The following SCHIP1 variants were observed in gnomAD, a reference collection of about 807,000 sequenced individuals.
SCHIP1 encodes schwannomin interacting protein 1.
A neutral mutation model predicts 29.7 loss-of-function variants in SCHIP1; 8 were observed. That is an observed-to-expected ratio of 0.27 (90% CI 0.16 to 0.49). The LOEUF (loss-of-function observed/expected upper bound fraction) is 0.49, where lower values mean the gene tolerates loss of function less well. SCHIP1 is among the 20% of genes least tolerant of loss of function. SCHIP1 has a pLI of 0.99. For missense variants in SCHIP1, 193 were observed against 294.6 expected (o/e 0.66, Z 2.52); for synonymous variants, 76 against 94.9 (o/e 0.80, Z 1.16).
chr3:159,589,446 C>G, the SCHIP1 span, among the ~76,000 whole-genome samples: 1 of 152,042 alleles, frequency 6.6e-6, no homozygotes, highest in South Asian at 2.1e-4. Context: ...AACTGAATAC[C>G]CTTTATTTCT....
chr3:159,797,024 T>C, the SCHIP1 span, among the ~76,000 whole-genome samples: 1 of 152,234 alleles, frequency 6.6e-6, no homozygotes, highest in East Asian at 1.9e-4. Flanking sequence ...GATCCACATC[T>C]ACATGTTCAA....
the SCHIP1 span, among the ~76,000 whole-genome samples, chr3:159,626,994 C>T: frequency 2.7e-4 from 41 of 152,280 alleles, no homozygotes; most frequent in East Asian, 7.7e-4. Flanking sequence ...TTAAACCCCA[C>T]GTGCATTAGG....
At chr3:159,398,352 C>G in the SCHIP1 span, among the ~76,000 whole-genome samples, 1 of 152,144 alleles carries the variant, frequency 6.6e-6, no homozygotes, top group Non-Finnish European at 1.5e-5. Flanking sequence ...GCTCCTCCCC[C>G]TCGCCAGCAC....
At chr3:159,626,179 TCTAGATAGATAGATAGATAG>T in the SCHIP1 span, among the ~76,000 whole-genome samples, 1 of 106,960 alleles carries the variant, frequency 9.3e-6, no homozygotes, top group African/African-American at 5.1e-5. Flanking sequence ...TATCTATCTA[TCTAGATAGATAGATAGATAG>T]ATAGATAGAT....
intron 2 of SCHIP1, among the ~76,000 whole-genome samples, chr3:159,881,651 G>C (rs1716446295): frequency 6.6e-6 from 1 of 152,178 alleles, no homozygotes. Context: ...TAAGGGAAAG[G>C]CCACTGGATT....
chr3:159,425,061 C>A, the SCHIP1 span, among the ~76,000 whole-genome samples: 2 of 151,714 alleles, frequency 1.3e-5, no homozygotes, highest in African/African-American at 4.8e-5. Context: ...TGGAAAGGAA[C>A]AACCGGTACC....
the SCHIP1 span, among the ~76,000 whole-genome samples, chr3:159,395,324 T>C: frequency 6.6e-6 from 1 of 152,166 alleles, no homozygotes; most frequent in Non-Finnish European, 1.5e-5. Flanking sequence ...TTTCCTTCAG[T>C]TCTGCTCTGA....
the SCHIP1 span, among the ~76,000 whole-genome samples, chr3:159,352,437 C>T: frequency 2.6e-5 from 4 of 152,262 alleles, no homozygotes; most frequent in East Asian, 1.9e-4. Context: ...AGAAATCTTG[C>T]GTATCCGTTA....
At chr3:159,672,357 A>G in the SCHIP1 span, among the ~76,000 whole-genome samples, 5,048 of 152,296 alleles carry the variant, frequency 0.033, 145 homozygotes, top group African/African-American at 0.078. Flanking sequence ...GTGACAACTA[A>G]AGTAGATCAG....
the SCHIP1 span, among the ~76,000 whole-genome samples, chr3:159,667,212 A>G: frequency 6.6e-6 from 1 of 152,196 alleles, no homozygotes; most frequent in South Asian, 2.1e-4. Flanking sequence ...TTAAAATCAA[A>G]GGACACATGA....
the SCHIP1 span, among the ~76,000 whole-genome samples, chr3:159,633,809 A>C: frequency 6.6e-6 from 1 of 152,228 alleles, no homozygotes; most frequent in African/African-American, 2.4e-5. Flanking sequence ...TTTCCACTAA[A>C]GAAAGGTTAG....
exon 1 of SCHIP1, chr3:159,839,986 A>G: frequency 7.0e-7 from 1 of 1,433,284 alleles, no homozygotes; most frequent in Non-Finnish European, 9.1e-7. Context: ...AGAGCAGCTC[A>G]GCTCGCTAGC....
At chr3:159,273,516 G>T in the SCHIP1 span, 7 of 1,152,940 alleles carry the variant, frequency 6.1e-6, no homozygotes, top group Admixed American at 3.1e-4. Context: ...GAGTAGCCTT[G>T]TCTTCTCTGT....
At chr3:159,668,805 C>T in the SCHIP1 span, among the ~76,000 whole-genome samples, 1 of 152,144 alleles carries the variant, frequency 6.6e-6, no homozygotes, top group South Asian at 2.1e-4. Flanking sequence ...TCTTCCTTTT[C>T]CTCACTTCAT....
chr3:159,858,133 A>G (rs903867638), intron 1 of SCHIP1, among the ~76,000 whole-genome samples: 1 of 152,236 alleles, frequency 6.6e-6, no homozygotes, highest in Non-Finnish European at 1.5e-5. Context: ...ATGGGTTTCC[A>G]GGCTTCTAAA....
chr3:159,846,897 G>A (rs1269915847), intron 1 of SCHIP1, among the ~76,000 whole-genome samples: 1 of 151,422 alleles, frequency 6.6e-6, no homozygotes, highest in Non-Finnish European at 1.5e-5. Flanking sequence ...TAGCTCAGAT[G>A]TCTGAAAATC....
At chr3:159,665,196 G>T in the SCHIP1 span, among the ~76,000 whole-genome samples, 32 of 152,190 alleles carry the variant, frequency 2.1e-4, no homozygotes, top group African/African-American at 7.5e-4. Context: ...TCAGACTAAA[G>T]TTTCATAATC....
chr3:159,712,768 A>AGAGAGAGAGGAAGAAAGGAAGG, the SCHIP1 span, among the ~76,000 whole-genome samples: 1 of 151,710 alleles, frequency 6.6e-6, no homozygotes, highest in Non-Finnish European at 1.5e-5. Flanking sequence ...AAGGAAAGGA[A>AGAGAGAGAGGAAGAAAGGAAGG]GAGAGAGAGG....
At chr3:159,722,827 A>T in the SCHIP1 span, among the ~76,000 whole-genome samples, 1 of 152,120 alleles carries the variant, frequency 6.6e-6, no homozygotes, top group Admixed American at 6.5e-5. Flanking sequence ...ACAGATTTGA[A>T]CCCTCTGTTT....
Sources: allele counts gnomAD v4.1 joint callset (sites outside exome capture counted in the v4.1 genomes callset), GRCh38; gene constraint gnomAD v4.1.1; transcripts MANE v1.5; gene names NCBI Gene and HGNC (gene_info 2026-07-23, HGNC 2026-07-21).